DNAI2: variants seen among roughly 807,000 people sequenced by gnomAD.
The protein encoded by DNAI2 is dynein, axonemal, intermediate polypeptide 2.
A neutral mutation model predicts 74.7 loss-of-function variants in DNAI2; 63 were observed. That is an observed-to-expected ratio of 0.84 (90% CI 0.69 to 1.04). DNAI2 has a LOEUF of 1.04. DNAI2 is among the 50% of genes least tolerant of loss of function. DNAI2 has a pLI of 0.00. For missense variants in DNAI2, 688 were observed against 803.2 expected, an observed-to-expected ratio of 0.86 and a Z score of 1.73; for synonymous variants, 289 against 314.9, an observed-to-expected ratio of 0.92 and a Z score of 0.87.
chr17:74,281,784 C>T, intron 1 of DNAI2, 23 bp from the exon 2 acceptor site: 1 of 1,611,500 alleles, frequency 6.2e-7, no homozygotes, highest in Admixed American at 1.7e-5. Context: ...TCCCTCACCC[C>T]ACACCCTCCC....
chr17:74,299,124 G>T (rs769837167), intron 6 of DNAI2, among the ~76,000 whole-genome samples: 5 of 152,118 alleles, frequency 3.3e-5, no homozygotes, highest in African/African-American at 4.8e-5. Context: ...AAATCTAACA[G>T]GACAAAGGAC....
At chr17:74,297,564 T>C (rs2052523928) in intron 6 of DNAI2, among the ~76,000 whole-genome samples, 2 of 151,728 alleles carry the variant, frequency 1.3e-5, no homozygotes, top group South Asian at 4.2e-4. Context: ...GTATTTTTAA[T>C]AGAAACAGAG....
Position 74,310,077 on chromosome 17 carries a change from G to A in DNAI2, c.1408G>A (p.Gly470Ser), listed in dbSNP as rs115299472. Residue 470 changes from glycine (G) to serine (S), a missense_variant, in exon 11 of 14, where the codon GGC becomes AGC. By Grantham distance (56) the Gly-to-Ser change is moderately conservative. Coordinates refer to ENST00000311014, the MANE Select transcript of DNAI2 (RefSeq NM_023036.6). ...GGACAATGGGTGTCTCATCGCCTGC[G>A]GCTCCCAGCTGGGGACAACCACCCT... Reference protein sequence around the residue: ...VQDNGCLIACGSQLGTTTLLE... With the variant: ...VQDNGCLIACSSQLGTTTLLE... 690 of 1,613,874 alleles carry A rather than the reference G, an allele frequency of 4.3e-4. 1 individual carries two copies. In the African/African-American group the frequency reaches 6.9e-3, roughly 16 times the overall value.
intron 4 of DNAI2, among the ~76,000 whole-genome samples, chr17:74,288,344 C>G (rs1450058535): frequency 6.6e-6 from 1 of 152,184 alleles, no homozygotes; most frequent in Admixed American, 6.5e-5. Flanking sequence ...TAGGTGTATT[C>G]AATGCATTTT....
intron 5 of DNAI2, 41 bp downstream of exon 5, chr17:74,289,777 G>A (rs775823680): frequency 4.3e-6 from 7 of 1,612,848 alleles, no homozygotes; most frequent in Non-Finnish European, 5.9e-6. Context: ...GAGGGCTGAG[G>A]GCTGGGACCA....
Position 74,308,710 on chromosome 17 carries a change from CAG to C in DNAI2, c.1212-542_1212-541del, listed in dbSNP as rs1233570835. On this transcript the variant is annotated intron_variant, in intron 9 of 13. Coordinates refer to ENST00000311014, the MANE Select transcript of DNAI2 (RefSeq NM_023036.6). ...CTAATTTTTTTATTTTTTGTAGAAA[CAG>C]GGTCTTTCCATGTTGTCCAGGCTGG... 1.4e-4 allele frequency among the ~76,000 whole-genome samples: 21 copies of C among 151,996 alleles called. 1 individual carries two copies. Among genetic ancestry groups the C allele is most frequent in the Admixed American group, 1.4e-3 (21 of 15,240 alleles).
At chr17:74,299,419 T>G (rs1021500238) in intron 6 of DNAI2, among the ~76,000 whole-genome samples, 2 of 152,224 alleles carry the variant, frequency 1.3e-5, no homozygotes, top group Non-Finnish European at 2.9e-5. Context: ...CACCCTCATG[T>G]GTTCCCCTGC....
chr17:74,306,102 TGAG>T (rs2053176655), intron 9 of DNAI2, among the ~76,000 whole-genome samples: 1 of 152,228 alleles, frequency 6.6e-6, no homozygotes, highest in Non-Finnish European at 1.5e-5. Flanking sequence ...TCCCAGCTAG[TGAG>T]GAGCCGAGAT....
chr17:74,294,093 T>G (rs572666103), intron 6 of DNAI2, among the ~76,000 whole-genome samples: 2 of 151,320 alleles, frequency 1.3e-5, no homozygotes, highest in African/African-American at 4.8e-5. Flanking sequence ...TGGATCGTGG[T>G]TTTTTCCTTT....
chr17:74,307,763 C>G lies in DNAI2; in HGVS notation c.1212-1490C>G, dbSNP rs149092782. 7.7e-4 allele frequency among the ~76,000 whole-genome samples: 116 copies of G among 151,332 alleles called. 1 individual carries two copies. The highest frequency in any genetic ancestry group is 1.3e-3 in the Non-Finnish European group (89 of 67,906). ...TGTCCCATGCAATATTTGGTATATA[C>G]TTATACTAAAAATTATTCATTGTCC... is the stretch of plus-strand genomic sequence containing the variant. On this transcript the variant is annotated intron_variant, in intron 9 of 13. Coordinates refer to ENST00000311014, the MANE Select transcript of DNAI2 (RefSeq NM_023036.6).
intron 6 of DNAI2, among the ~76,000 whole-genome samples, chr17:74,297,309 G>A (rs542080905): frequency 6.6e-6 from 1 of 151,526 alleles, no homozygotes; most frequent in African/African-American, 2.4e-5. Flanking sequence ...AGCCAGGATG[G>A]TCTTGATCTC....
chr17:74,293,138 A>G (rs562810554), intron 6 of DNAI2, among the ~76,000 whole-genome samples: 3 of 152,166 alleles, frequency 2.0e-5, no homozygotes, highest in Admixed American at 6.5e-5. Context: ...TGGCCTGTCC[A>G]GTGGAGTTTT....
chr17:74,297,365 T>C (rs2052508556), intron 6 of DNAI2, among the ~76,000 whole-genome samples: 1 of 151,596 alleles, frequency 6.6e-6, no homozygotes, highest in Non-Finnish European at 1.5e-5. Context: ...GTGCTGGGAT[T>C]ACAGGCATGA....
rs554290241 is a variant in DNAI2, at chr17:74,296,613, T to C, written c.725-3105T>C. 9.9e-5 allele frequency among the ~76,000 whole-genome samples: 15 copies of C among 152,216 alleles called. No individual in the cohort carries two copies. The South Asian group carries it at 2.9e-3, about 30-fold the overall frequency. On this transcript the variant is annotated intron_variant, in intron 6 of 13. Transcript: ENST00000311014. ...TGCAAAGTTAGTCAGTTGCCTGCAA[T>C]TACACCCTGATGAAAAGACTTTTCA...
chr17:74,314,497 G>A (rs2053716959), intron 13 of DNAI2, 92 bp from the exon 14 acceptor site: 2 of 440,574 alleles, frequency 4.5e-6, no homozygotes, highest in South Asian at 4.1e-5. Flanking sequence ...CCACCCCAAG[G>A]CCGAGGCCAC....
chr17:74,298,769 A>G, intron 6 of DNAI2, among the ~76,000 whole-genome samples: 1 of 151,958 alleles, frequency 6.6e-6, no homozygotes, highest in East Asian at 1.9e-4. Flanking sequence ...CCCGAGTAGC[A>G]TGTGCCACCA....
rs528273100 is a variant in DNAI2 at position 74,314,846 on chromosome 17, C to A, written c.*313C>A. ...GCTGCACCTGAATGCTTTCTGTTATCCTAATTCTTGTAAAATTAAATGAAT... is the reference window on the plus strand; with the variant it reads ...GCTGCACCTGAATGCTTTCTGTTATACTAATTCTTGTAAAATTAAATGAAT... On this transcript the variant is annotated 3_prime_UTR_variant, in exon 14 of 14. Transcript: ENST00000311014. 2.2e-4 allele frequency: 36 copies of A among 166,094 alleles called. 1 individual carries two copies. In the South Asian group the frequency reaches 3.6e-3, roughly 17 times the overall value. The allele number at this position is 166,094 out of a possible 1,614,324, so 10.3% of individuals were successfully genotyped here. A position where few individuals can be genotyped will look rare whatever the true frequency, so the allele number is the denominator to read the frequency against.
rs1447366294 is a variant in DNAI2, at chr17:74,291,136, A to G, written c.724+3A>G. On this transcript the variant is annotated splice_donor_region_variant and intron_variant, in intron 6 of 13. Transcript: ENST00000311014. ...TGGCTGCTACAATGGACAGATAGGT[A>G]AGGAGGGACCTAGGCTTTTTTATTT... 1 of 1,597,184 alleles carries G rather than the reference A, an allele frequency of 6.3e-7. No individual in the cohort carries two copies. Among genetic ancestry groups the G allele is most frequent in the Non-Finnish European group, 8.6e-7 (1 of 1,164,588 alleles).
Position 74,309,402 on chromosome 17 carries a change from C to T in DNAI2, c.1347+14C>T. 6.2e-7 allele frequency: 1 copy of T among 1,614,126 alleles called. No individual in the cohort carries two copies. The highest frequency in any genetic ancestry group is 8.5e-7 in the Non-Finnish European group (1 of 1,180,006). On this transcript the variant is annotated intron_variant, in intron 10 of 13. Coordinates refer to ENST00000311014, the MANE Select transcript of DNAI2 (RefSeq NM_023036.6). The stretch of plus-strand genomic sequence containing the variant: ...CTCAGCTTGAAGGTCACGCGCATGT[C>T]CCTCCTTGTGCATCCAGGTCCTCAG...
Sources: gnomAD v4.1 joint callset for allele counts (sites outside exome capture counted in the v4.1 genomes callset) on GRCh38, gnomAD v4.1.1 for gene constraint, MANE v1.5 for transcripts, NCBI Gene and HGNC (gene_info 2026-07-23, HGNC 2026-07-21) for gene names.